TCF12: variants seen among roughly 807,000 people sequenced by gnomAD.
TCF12 encodes DNA-binding protein HTF4.
Under a neutral mutation model 86.0 loss-of-function variants are expected in TCF12, and 45 were observed. The observed-to-expected ratio is 0.52, with a 90% CI of 0.41 to 0.67. The LOEUF (loss-of-function observed/expected upper bound fraction) is 0.67. TCF12 is among the 30% of genes least tolerant of loss of function. TCF12 has a pLI of 0.00. For synonymous variants in TCF12, 330 were observed against 299.6 expected, an observed-to-expected ratio of 1.10 and a Z score of -1.05; for missense variants, 881 against 859.9, an observed-to-expected ratio of 1.02 and a Z score of -0.31.
chr15:56,958,082 A>C (rs7162421), intron 3 of TCF12, among the ~76,000 whole-genome samples: 5 of 152,114 alleles, frequency 3.3e-5, no homozygotes, highest in Non-Finnish European at 5.9e-5. Context: ...TTCAGTCTCT[A>C]GCTTCAGGTA....
chr15:56,930,979 A>T (rs1218698175), intron 3 of TCF12, among the ~76,000 whole-genome samples: 1 of 152,166 alleles, frequency 6.6e-6, no homozygotes, highest in Non-Finnish European at 1.5e-5. Context: ...AAAATCTGAA[A>T]AACTGAGTTC....
At chr15:57,140,173 A>G (rs970823111) in intron 5 of TCF12, among the ~76,000 whole-genome samples, 15 of 152,210 alleles carry the variant, frequency 9.9e-5, no homozygotes, top group African/African-American at 3.6e-4. Context: ...TGATGAATGA[A>G]TGGATGAACA....
intron 8 of TCF12, among the ~76,000 whole-genome samples, chr15:57,211,303 G>A (rs950869559): frequency 3.9e-5 from 6 of 152,104 alleles, no homozygotes; most frequent in Admixed American, 6.5e-5. Flanking sequence ...AGTGGCCCAC[G>A]CTTCTAATAC....
intron 8 of TCF12, among the ~76,000 whole-genome samples, chr15:57,215,767 T>G (rs914675367): frequency 6.6e-6 from 1 of 152,202 alleles, no homozygotes; most frequent in African/African-American, 2.4e-5. Flanking sequence ...AGAAACATTC[T>G]TGCTTACGGA....
At chr15:57,081,991 T>G (rs955075317) in intron 4 of TCF12, among the ~76,000 whole-genome samples, 4 of 152,188 alleles carry the variant, frequency 2.6e-5, no homozygotes, top group African/African-American at 4.8e-5. Context: ...ACTTTCACCT[T>G]CAAGGAAATG....
intron 5 of TCF12, among the ~76,000 whole-genome samples, chr15:57,158,978 C>A (rs948412615): frequency 1.3e-5 from 2 of 152,104 alleles, no homozygotes; most frequent in Non-Finnish European, 2.9e-5. Context: ...TTTAAAAATC[C>A]CCTTTCTCTT....
chr15:57,282,556 G>A lies in TCF12; in HGVS notation c.2090G>A (p.Ser697Asn), dbSNP rs142484677. 6.2e-7 allele frequency: 1 copy of A among 1,614,210 alleles called. No homozygotes were observed. Among genetic ancestry groups the A allele is most frequent in the Non-Finnish European group, 8.5e-7 (1 of 1,180,040 alleles). The change falls in exon 20 of 21, where the codon AGT (serine) becomes AAT (asparagine). Residue 697 changes from serine (S) to asparagine (N), a missense_variant. By Grantham distance (46) the Ser-to-Asn change is conservative. Coordinates refer to ENST00000333725, the MANE Select transcript of TCF12 (RefSeq NM_207037.2). ...TTLPGTHPGLSETTNPMGHM is the reference protein window; with the variant it reads ...TTLPGTHPGLNETTNPMGHM ...CTGCCAGGAACCCATCCTGGGCTTAGTGAAACTACCAACCCTATGGGTCAT... is the reference window on the plus strand; with the variant it reads ...CTGCCAGGAACCCATCCTGGGCTTAATGAAACTACCAACCCTATGGGTCAT...
At chr15:57,125,175 T>C (rs1184409595) in intron 5 of TCF12, among the ~76,000 whole-genome samples, 4 of 152,218 alleles carry the variant, frequency 2.6e-5, no homozygotes, top group Admixed American at 2.0e-4. Context: ...CAGATCGTTA[T>C]GAAAAATTAC....
intron 6 of TCF12, among the ~76,000 whole-genome samples, chr15:57,172,767 GA>G (rs2055607120): frequency 6.6e-6 from 1 of 152,004 alleles, no homozygotes; most frequent in South Asian, 2.1e-4. Context: ...ATGTGCCTCT[GA>G]ATCTAAAATA....
chr15:57,122,514 G>C (rs1266806937), intron 5 of TCF12, among the ~76,000 whole-genome samples: 1 of 152,156 alleles, frequency 6.6e-6, no homozygotes, highest in African/African-American at 2.4e-5. Flanking sequence ...AAACAAACTT[G>C]AGAAGTCAAC....
chr15:57,194,462 A>G lies in TCF12; in HGVS notation c.526+2169A>G, dbSNP rs563479469. On this transcript the variant is annotated intron_variant, in intron 7 of 20. Coordinates refer to ENST00000333725, the MANE Select transcript of TCF12 (RefSeq NM_207037.2). ...AAATGTCATTTAGTGGGTTCTTACT[A>G]CATTCTTTATGGCTGTTTCTCATTG... is the stretch of plus-strand genomic sequence containing the variant. Among the ~76,000 whole-genome samples, 17 of 152,262 alleles carry G rather than the reference A, an allele frequency of 1.1e-4. No individual in the cohort carries two copies. In the South Asian group the frequency reaches 1.5e-3, roughly 13 times the overall value.
chr15:57,258,641 T>C (rs1455935792), intron 16 of TCF12, among the ~76,000 whole-genome samples: 2 of 152,290 alleles, frequency 1.3e-5, no homozygotes, highest in East Asian at 1.9e-4. Context: ...TCTTAGTTAT[T>C]TTTTGGTATT....
intron 3 of TCF12, among the ~76,000 whole-genome samples, chr15:56,976,999 A>G (rs994742085): frequency 4.6e-5 from 7 of 152,206 alleles, no homozygotes; most frequent in South Asian, 2.1e-4. Context: ...CTCAATAGCT[A>G]TATGTATCTA....
chr15:57,178,757 G>A (rs1312239185), intron 6 of TCF12, among the ~76,000 whole-genome samples: 5 of 152,168 alleles, frequency 3.3e-5, no homozygotes, highest in African/African-American at 1.2e-4. Flanking sequence ...CATGCTTAGA[G>A]TATGCTCACT....
chr15:57,278,886 T>C (rs528719275), intron 19 of TCF12, among the ~76,000 whole-genome samples: 4 of 151,612 alleles, frequency 2.6e-5, no homozygotes, highest in Admixed American at 6.6e-5. Flanking sequence ...TTTTGTCTTA[T>C]TCTTTATTTC....
At chr15:56,991,138 C>T (rs1415223192) in intron 3 of TCF12, among the ~76,000 whole-genome samples, 1 of 152,146 alleles carries the variant, frequency 6.6e-6, no homozygotes, top group African/African-American at 2.4e-5. Flanking sequence ...TTGCTTTAGT[C>T]TCCCAAGCTC....
intron 16 of TCF12, among the ~76,000 whole-genome samples, chr15:57,257,854 T>C (rs997606373): frequency 6.6e-6 from 1 of 152,146 alleles, no homozygotes; most frequent in Non-Finnish European, 1.5e-5. Flanking sequence ...TCATTTAAAT[T>C]TTAAAGCGCG....
chr15:57,107,577 A>T (rs2050218895), intron 5 of TCF12, among the ~76,000 whole-genome samples: 1 of 152,046 alleles, frequency 6.6e-6, no homozygotes, highest in Non-Finnish European at 1.5e-5. Context: ...ACTTGGGGGG[A>T]TAATGATGTG....
chr15:57,203,490 C>G (rs1244361160), intron 8 of TCF12, among the ~76,000 whole-genome samples: 4 of 152,120 alleles, frequency 2.6e-5, no homozygotes, highest in Non-Finnish European at 5.9e-5. Context: ...ATTTGAAATC[C>G]CTTCCTAGAC....
Sources: allele counts gnomAD v4.1 joint callset (sites outside exome capture counted in the v4.1 genomes callset), GRCh38; gene constraint gnomAD v4.1.1; transcripts MANE v1.5; gene names NCBI Gene and HGNC (gene_info 2026-07-23, HGNC 2026-07-21).